The following MDGA2 variants were observed in gnomAD, a reference collection of about 807,000 sequenced individuals.
MDGA2 encodes the protein MAM domain containing glycosylphosphatidylinositol anchor 2.
In MDGA2, 40 loss-of-function variants were observed where a neutral mutation model predicts 117.8. That is an observed-to-expected ratio of 0.34 (90% CI 0.26 to 0.44). The LOEUF (loss-of-function observed/expected upper bound fraction) is 0.44, where lower values mean the gene tolerates loss of function less well. Among genes scored for constraint, MDGA2 ranks in the 20% least tolerant of loss-of-function variants. The pLI is 1.00. For missense variants in MDGA2, 1,123 were observed against 1,250.6 expected, an observed-to-expected ratio of 0.90 and a Z score of 1.54; for synonymous variants, 452 against 439.0, an observed-to-expected ratio of 1.03 and a Z score of -0.37.
intron 3 of MDGA2, among the ~76,000 whole-genome samples, chr14:47,161,991 G>C (rs1289763678): frequency 8.6e-6 from 1 of 115,894 alleles, no homozygotes; most frequent in Non-Finnish European, 1.6e-5. Context: ...TGTTATCCAG[G>C]CTGGAGTGCA....
chr14:47,102,302 G>GA (rs1302513027), intron 5 of MDGA2, among the ~76,000 whole-genome samples: 2 of 140,688 alleles, frequency 1.4e-5, no homozygotes, highest in Non-Finnish European at 3.1e-5. Context: ...TTTTTTTTTT[G>GA]AATGGAAATA....
chr14:47,621,282 C>T (rs1042337833), intron 1 of MDGA2, among the ~76,000 whole-genome samples: 4 of 152,142 alleles, frequency 2.6e-5, no homozygotes, highest in Admixed American at 2.6e-4. Context: ...TCTTTCCATG[C>T]CACTTTTCTT....
chr14:47,294,041 A>T (rs1158876037), intron 2 of MDGA2, among the ~76,000 whole-genome samples: 1 of 150,736 alleles, frequency 6.6e-6, no homozygotes, highest in Non-Finnish European at 1.5e-5. Flanking sequence ...CATCACCTGG[A>T]GATGGGACTA....
Position 47,330,895 on chromosome 14 carries a change from A to G in MDGA2, c.281-29345T>C, listed in dbSNP as rs1006027685. 4.6e-5 allele frequency among the ~76,000 whole-genome samples: 7 copies of G among 151,882 alleles called. No individual in the cohort carries two copies. The Admixed American group carries it at 4.6e-4, about 10-fold the overall frequency. On this transcript the variant is annotated intron_variant, in intron 1 of 16. Transcript: ENST00000399232. ...TCTATCTAAATTTGTGTGTTTCAATAAAGTCAAAAGGTAGTTTCTATGAAA... is the reference window on the plus strand; with the variant it reads ...TCTATCTAAATTTGTGTGTTTCAATGAAGTCAAAAGGTAGTTTCTATGAAA...
intron 8 of MDGA2, among the ~76,000 whole-genome samples, chr14:46,972,237 T>G (rs1886298257): frequency 6.6e-6 from 1 of 152,120 alleles, no homozygotes; most frequent in Non-Finnish European, 1.5e-5. Context: ...AATACCCAGT[T>G]AGTGCTGGAG....
chr14:46,965,193 G>A (rs1192000069), intron 8 of MDGA2, among the ~76,000 whole-genome samples: 1 of 120,122 alleles, frequency 8.3e-6, no homozygotes, highest in East Asian at 2.5e-4. Flanking sequence ...AAAGTGCTGG[G>A]ATTACAGGCG....
intron 3 of MDGA2, among the ~76,000 whole-genome samples, chr14:47,164,995 G>C (rs999645872): frequency 1.3e-5 from 2 of 151,974 alleles, no homozygotes; most frequent in African/African-American, 4.8e-5. Flanking sequence ...GCAAACTATT[G>C]CAAGGACGAA....
intron 7 of MDGA2, among the ~76,000 whole-genome samples, chr14:47,036,142 C>T (rs1399532644): frequency 1.3e-5 from 2 of 151,406 alleles, no homozygotes; most frequent in East Asian, 2.0e-4. Context: ...TGGTGGAGGG[C>T]GCCTGTAGTC....
intron 1 of MDGA2, among the ~76,000 whole-genome samples, chr14:47,434,015 A>C (rs1281993327): frequency 6.6e-6 from 1 of 152,138 alleles, no homozygotes; most frequent in Admixed American, 6.6e-5. Flanking sequence ...TTGCTAAATA[A>C]TAAGAGAATA....
intron 1 of MDGA2, among the ~76,000 whole-genome samples, chr14:47,530,779 G>A (rs149790417): frequency 1.8e-4 from 28 of 152,178 alleles, no homozygotes; most frequent in East Asian, 3.9e-4. Context: ...ATAGTTAGAC[G>A]AATCACATTT....
At chr14:47,001,469 C>T (rs940883680) in intron 8 of MDGA2, among the ~76,000 whole-genome samples, 2 of 151,950 alleles carry the variant, frequency 1.3e-5, no homozygotes, top group African/African-American at 4.8e-5. Context: ...GGGAACAAAA[C>T]TTATGTGGCT....
chr14:47,040,748 C>T (rs1258427878), intron 7 of MDGA2, among the ~76,000 whole-genome samples: 2 of 152,158 alleles, frequency 1.3e-5, no homozygotes, highest in Non-Finnish European at 1.5e-5. Flanking sequence ...CTTACTCTTC[C>T]TGACTACACA....
intron 1 of MDGA2, among the ~76,000 whole-genome samples, chr14:47,654,856 T>C (rs550238325): frequency 4.6e-5 from 7 of 151,708 alleles, no homozygotes; most frequent in Admixed American, 6.6e-5. Context: ...GTTAGAAGAG[T>C]GTGTATATGA....
intron 1 of MDGA2, among the ~76,000 whole-genome samples, chr14:47,339,491 T>C (rs1024398501): frequency 1.3e-5 from 2 of 152,084 alleles, no homozygotes; most frequent in Non-Finnish European, 2.9e-5. Context: ...GCAGATTCCC[T>C]CATGAATGGC....
intron 5 of MDGA2, among the ~76,000 whole-genome samples, chr14:47,116,092 A>T (rs8022454): frequency 0.11 from 17,035 of 152,114 alleles, 1,094 homozygotes; most frequent in Admixed American, 0.11. Context: ...TAAATGTACA[A>T]AAACCAGTCC....
chr14:47,142,733 C>A (rs1427997167), intron 4 of MDGA2, among the ~76,000 whole-genome samples: 1 of 152,116 alleles, frequency 6.6e-6, no homozygotes, highest in Non-Finnish European at 1.5e-5. Flanking sequence ...GGGGAAAATT[C>A]AGTCCTGCCT....
chr14:46,866,019 T>G (rs2138338999), intron 14 of MDGA2, among the ~76,000 whole-genome samples: 1 of 151,624 alleles, frequency 6.6e-6, no homozygotes, highest in African/African-American at 2.4e-5. Flanking sequence ...AATGACTTTC[T>G]TCACAGAATT....
intron 1 of MDGA2, among the ~76,000 whole-genome samples, chr14:47,629,151 AC>A (rs1408077178): frequency 3.9e-5 from 6 of 152,200 alleles, no homozygotes; most frequent in Admixed American, 6.5e-5. Context: ...AAGAAAAAAA[AC>A]ATTAGGGTTG....
intron 1 of MDGA2, among the ~76,000 whole-genome samples, chr14:47,383,825 G>A (rs17674633): frequency 0.11 from 16,386 of 152,026 alleles, 1,136 homozygotes; most frequent in Non-Finnish European, 0.17. Context: ...ACACCCGGAC[G>A]GTTCATTAGA....
Sources: allele counts gnomAD v4.1 joint callset (sites outside exome capture counted in the v4.1 genomes callset), GRCh38; gene constraint gnomAD v4.1.1; transcripts MANE v1.5; gene names NCBI Gene and HGNC (gene_info 2026-07-23, HGNC 2026-07-21).